The following USP18 variants were observed in gnomAD, a reference collection of about 807,000 sequenced individuals.
USP18 encodes ubl carboxyl-terminal hydrolase 18.
A neutral mutation model predicts 48.7 loss-of-function variants in USP18; 11 were observed. The observed-to-expected ratio is 0.23, with a 90% CI of 0.14 to 0.37. The LOEUF is 0.37. USP18 is among the 10% of genes least tolerant of loss of function. The pLI is 1.00. For missense variants in USP18, 285 were observed against 436.4 expected, an observed-to-expected ratio of 0.65 and a Z score of 3.09; for synonymous variants, 114 against 163.2, an observed-to-expected ratio of 0.70 and a Z score of 2.30.
chr22:18,164,479 T>G (rs1182460229), intron 4 of USP18, among the ~76,000 whole-genome samples: 1 of 151,844 alleles, frequency 6.6e-6, no homozygotes, highest in Non-Finnish European at 1.5e-5. Context: ...AGAGACCTGA[T>G]TTTACCATAC....
At chr22:18,152,293 C>G (rs1418188272) in intron 1 of USP18, among the ~76,000 whole-genome samples, 3 of 151,994 alleles carry the variant, frequency 2.0e-5, no homozygotes, top group Non-Finnish European at 4.4e-5. Flanking sequence ...GCCCCACCCT[C>G]CCCAGGTTTT....
At chr22:18,156,731 GGAA>G (rs1929156355) in intron 1 of USP18, among the ~76,000 whole-genome samples, 1 of 152,158 alleles carries the variant, frequency 6.6e-6, no homozygotes, top group African/African-American at 2.4e-5. Flanking sequence ...CCCACCAGAA[GGAA>G]GAAACTCCGA....
At chr22:18,158,904 G>A (rs1331358517) in intron 2 of USP18, among the ~76,000 whole-genome samples, 1 of 152,020 alleles carries the variant, frequency 6.6e-6, no homozygotes, top group South Asian at 2.1e-4. Flanking sequence ...TGAATGAAAG[G>A]AAGCCATATT....
intron 1 of USP18, 73 bp from the exon 2 acceptor site, chr22:18,157,485 G>A: frequency 2.6e-6 from 2 of 763,110 alleles, no homozygotes; most frequent in African/African-American, 1.7e-5. Flanking sequence ...CTGCTCTTTG[G>A]CATCAGAACG....
At chr22:18,166,341 T>G (rs1929477456) in intron 4 of USP18, among the ~76,000 whole-genome samples, 1 of 152,242 alleles carries the variant, frequency 6.6e-6, no homozygotes, top group South Asian at 2.1e-4. Flanking sequence ...TTTTCACACT[T>G]TCTTTTACAT....
intron 1 of USP18, among the ~76,000 whole-genome samples, chr22:18,150,900 G>C (rs968883882): frequency 2.0e-5 from 3 of 152,236 alleles, no homozygotes; most frequent in African/African-American, 7.2e-5. Flanking sequence ...GCGGTGAGCC[G>C]AGATCGCACC....
chr22:18,156,235 A>G (rs191088454), intron 1 of USP18, among the ~76,000 whole-genome samples: 26 of 151,242 alleles, frequency 1.7e-4, no homozygotes, highest in African/African-American at 6.3e-4. Context: ...CACCCTGTCA[A>G]AACGGACCAA....
intron 4 of USP18, among the ~76,000 whole-genome samples, chr22:18,162,304 T>TA (rs1929355527): frequency 6.6e-6 from 1 of 150,978 alleles, no homozygotes; most frequent in Non-Finnish European, 1.5e-5. Context: ...TTTTTTTTTT[T>TA]AGATAGCTAT....
chr22:18,172,268 A>AT lies in USP18; in HGVS notation c.892-875dup, dbSNP rs549279879. 1.3e-3 allele frequency among the ~76,000 whole-genome samples: 200 copies of AT among 152,236 alleles called. 1 individual carries two copies. The highest frequency in any genetic ancestry group is 4.6e-3 in the African/African-American group (190 of 41,548). Reference sequence around the variant, plus strand: ...CTTGTTTCACCCAACCCTGTACTGGATTTTTTTGAAGCAAATCCCAGACAT... The same window carrying AT: ...CTTGTTTCACCCAACCCTGTACTGGATTTTTTTTGAAGCAAATCCCAGACAT... On this transcript the variant is annotated intron_variant, in intron 8 of 10. Transcript: ENST00000215794.
Position 18,157,629 on chromosome 22 carries a change from G to A in USP18, c.-35G>A. On this transcript the variant is annotated 5_prime_UTR_variant, in exon 2 of 11. Coordinates refer to ENST00000215794, the MANE Select transcript of USP18 (RefSeq NM_017414.4). ...TCGTGCTGTCCTGAACGCGGGCCAGGCAGCTGCGGCCTGGGGGTTTTGGAG... is the reference window on the plus strand; with the variant it reads ...TCGTGCTGTCCTGAACGCGGGCCAGACAGCTGCGGCCTGGGGGTTTTGGAG... The A allele has an allele frequency of 1.2e-6, 2 of 1,613,334 alleles. No individual in the cohort carries two copies. The highest frequency in any genetic ancestry group is 1.7e-6 in the Non-Finnish European group (2 of 1,179,418).
intron 1 of USP18, among the ~76,000 whole-genome samples, chr22:18,156,978 T>TAAAAAA (rs1569208796): frequency 6.6e-6 from 1 of 152,216 alleles, no homozygotes. Flanking sequence ...CGGGTACCCC[T>TAAAAAA]ATGGCCACTG....
At chr22:18,163,896 G>A (rs1335552171) in intron 4 of USP18, among the ~76,000 whole-genome samples, 2 of 152,194 alleles carry the variant, frequency 1.3e-5, no homozygotes, top group African/African-American at 4.8e-5. Flanking sequence ...AGGTGGAGAC[G>A]TTGGGGCATT....
rs139628800 is a variant in USP18, at chr22:18,169,893, G to A, written c.677G>A (p.Ser226Asn). The A allele has an allele frequency of 1.2e-6, 2 of 1,608,934 alleles. No homozygotes were observed. Among genetic ancestry groups the A allele is most frequent in the South Asian group, 1.1e-5 (1 of 89,770 alleles). The stretch of plus-strand genomic sequence containing the variant: ...CAGCCCAGGGAGTTATCAAGCAAAA[G>A]CAAGTGCTTCTGTGAGAACTGTGGG... ...FFQPRELSSKSKCFCENCGKK... is the reference protein window; with the variant it reads ...FFQPRELSSKNKCFCENCGKK... Residue 226 changes from serine (S) to asparagine (N), a missense_variant, in exon 7 of 11, where the codon AGC becomes AAC. Coordinates refer to ENST00000215794, the MANE Select transcript of USP18 (RefSeq NM_017414.4).
In USP18 at chr22:18,165,873, G is replaced by A. The variant is rs542895874; in HGVS notation, c.401-1382G>A. On this transcript the variant is annotated intron_variant, in intron 4 of 10. Coordinates refer to ENST00000215794, the MANE Select transcript of USP18 (RefSeq NM_017414.4). ...CTGCTGGGAACTTGATAACTGCCCG[G>A]TAGAAAACCGCCATTGCTCACTCCC... 4.6e-3 allele frequency among the ~76,000 whole-genome samples: 689 copies of A among 150,934 alleles called. 2 individuals are homozygous for A. The highest frequency in any genetic ancestry group is 8.1e-3 in the Non-Finnish European group (549 of 67,748).
At chr22:18,167,117 G>A (rs181221287) in intron 4 of USP18, 138 bp from the exon 5 acceptor site, 135 of 943,508 alleles carry the variant, frequency 1.4e-4, no homozygotes, top group East Asian at 1.0e-3. Flanking sequence ...TTCTTCTGTC[G>A]TGCCAACTTA....
At position 18,167,923 on chromosome 22, in the gene USP18, G is replaced by T. The variant is rs1292765777; in HGVS notation, c.514G>T (p.Val172Leu). 2 of 1,613,884 alleles carry T rather than the reference G, an allele frequency of 1.2e-6. No individual in the cohort carries two copies. Among genetic ancestry groups the T allele is most frequent in the Non-Finnish European group, 1.7e-6 (2 of 1,180,010 alleles). ...ERLQALYTIR[V>L]KDSLICVDCA... ...ACTGCAGGCCCTGTATACGATCCGG[G>T]TGAAGGACTCCTTGATTTGCGTTGA... The change falls in exon 6 of 11, where the codon GTG (valine) becomes TTG (leucine). Residue 172 changes from valine (V) to leucine (L), a missense_variant. Transcript: ENST00000215794.
intron 1 of USP18, among the ~76,000 whole-genome samples, chr22:18,152,459 C>CA (rs34118953): frequency 0.13 from 16,135 of 126,974 alleles, 1,042 homozygotes; most frequent in East Asian, 0.19. Context: ...GAACGTGAAC[C>CA]AAAAAAAAAA....
intron 9 of USP18, among the ~76,000 whole-genome samples, chr22:18,173,556 C>CG (rs1569213352): frequency 6.6e-6 from 1 of 152,020 alleles, no homozygotes; most frequent in African/African-American, 2.4e-5. Context: ...TAGAGAGCAA[C>CG]GAGTGTTAGA....
Position 18,167,350 on chromosome 22 carries a change from C to G in USP18, c.480+16C>G. On this transcript the variant is annotated intron_variant, in intron 5 of 10. Transcript: ENST00000215794. ...TGTGCACTTGGTAAGAACCTAGAAC[C>G]AGAGCACTCGGAAGCTTAAGATGCT... 1 of 1,613,362 alleles carries G rather than the reference C, an allele frequency of 6.2e-7. No individual in the cohort carries two copies. The highest frequency in any genetic ancestry group is 1.7e-5 in the Admixed American group (1 of 59,970).
Sources: gnomAD v4.1 joint callset for allele counts (sites outside exome capture counted in the v4.1 genomes callset) on GRCh38, gnomAD v4.1.1 for gene constraint, MANE v1.5 for transcripts, NCBI Gene and HGNC (gene_info 2026-07-23, HGNC 2026-07-21) for gene names.